IMMP2L: variants seen among roughly 807,000 people sequenced by gnomAD.
IMMP2L encodes the protein mitochondrial inner membrane protease subunit 2.
Under a neutral mutation model 19.3 loss-of-function variants are expected in IMMP2L, and 18 were observed. The observed-to-expected ratio is 0.93, with a 90% CI of 0.64 to 1.38. IMMP2L has a LOEUF of 1.38. Ranked by LOEUF, IMMP2L falls within the 40% of genes most tolerant of loss-of-function variation. The pLI is 0.00. For synonymous variants in IMMP2L, 76 were observed against 73.0 expected, an observed-to-expected ratio of 1.04 and a Z score of -0.21; for missense variants, 233 against 218.2, an observed-to-expected ratio of 1.07 and a Z score of -0.43.
At chr7:111,062,965 C>T (rs1794157029) in intron 3 of IMMP2L, among the ~76,000 whole-genome samples, 1 of 152,204 alleles carries the variant, frequency 6.6e-6, no homozygotes, top group Non-Finnish European at 1.5e-5. Flanking sequence ...GTCAGTAGTG[C>T]TACCATTCTG....
At chr7:110,859,786 G>GT (rs1807202678) in intron 5 of IMMP2L, among the ~76,000 whole-genome samples, 1 of 151,672 alleles carries the variant, frequency 6.6e-6, no homozygotes. Flanking sequence ...GGAGTATACA[G>GT]TTGTGCAAAT....
intron 3 of IMMP2L, among the ~76,000 whole-genome samples, chr7:111,237,882 C>A (rs1217450298): frequency 6.6e-6 from 1 of 152,006 alleles, no homozygotes; most frequent in Non-Finnish European, 1.5e-5. Context: ...CTAAGCTTTA[C>A]TTTCCTGATC....
chr7:111,234,321 T>C (rs1429573411), intron 3 of IMMP2L, among the ~76,000 whole-genome samples: 2 of 152,106 alleles, frequency 1.3e-5, no homozygotes, highest in South Asian at 4.1e-4. Flanking sequence ...ACCAGATTCA[T>C]AGGGTTGTTC....
At chr7:111,224,932 C>A (rs1382124611) in intron 3 of IMMP2L, among the ~76,000 whole-genome samples, 2 of 152,008 alleles carry the variant, frequency 1.3e-5, no homozygotes, top group Non-Finnish European at 2.9e-5. Context: ...TCCATTATAT[C>A]TCAAATTAAA....
chr7:110,739,865 C>T (rs1385071293), intron 5 of IMMP2L, among the ~76,000 whole-genome samples: 2 of 152,114 alleles, frequency 1.3e-5, no homozygotes, highest in Admixed American at 1.3e-4. Context: ...CAAGTACTCT[C>T]TGAGACCACA....
rs537331140 is a variant in IMMP2L, at chr7:111,524,993, G to C, written c.-2-3544C>G. ...CACAAGCACTGTGTTAGGTACCAGG[G>C]AATCATAAAACAGTGAACAAGGCCA... On this transcript the variant is annotated intron_variant, in intron 1 of 5. Transcript: ENST00000405709. 5.3e-5 allele frequency among the ~76,000 whole-genome samples: 8 copies of C among 152,182 alleles called. No individual in the cohort carries two copies. The East Asian group carries it at 1.5e-3, about 29-fold the overall frequency.
intron 3 of IMMP2L, among the ~76,000 whole-genome samples, chr7:111,391,121 T>C (rs1832312808): frequency 6.6e-6 from 1 of 152,152 alleles, no homozygotes; most frequent in Non-Finnish European, 1.5e-5. Context: ...ATTATAAACA[T>C]GGCTTATTGC....
intron 3 of IMMP2L, among the ~76,000 whole-genome samples, chr7:111,122,144 G>C (rs1364748635): frequency 2.6e-5 from 4 of 151,718 alleles, no homozygotes; most frequent in Non-Finnish European, 5.9e-5. Context: ...AATGGGTGCA[G>C]CACACCAACA....
intron 4 of IMMP2L, among the ~76,000 whole-genome samples, chr7:110,963,296 A>T (rs576056229): frequency 6.6e-6 from 1 of 152,122 alleles, no homozygotes; most frequent in Non-Finnish European, 1.5e-5. Flanking sequence ...CTTCACAATT[A>T]AAGAATAACA....
At chr7:111,090,507 T>C (rs1796746818) in intron 3 of IMMP2L, among the ~76,000 whole-genome samples, 1 of 152,030 alleles carries the variant, frequency 6.6e-6, no homozygotes, top group Non-Finnish European at 1.5e-5. Flanking sequence ...AATACATATT[T>C]TTAAAAAGTA....
intron 5 of IMMP2L, among the ~76,000 whole-genome samples, chr7:110,666,063 C>A (rs73433288): frequency 0.14 from 20,764 of 152,098 alleles, 1,593 homozygotes; most frequent in South Asian, 0.27. Context: ...AAGTCAAAAT[C>A]TGTGACTACT....
At chr7:110,940,061 G>A (rs1816567021) in intron 4 of IMMP2L, among the ~76,000 whole-genome samples, 1 of 152,084 alleles carries the variant, frequency 6.6e-6, no homozygotes, top group Admixed American at 6.6e-5. Context: ...GCTCATTCCT[G>A]TAATCCCAGC....
chr7:110,674,240 T>A (rs1309958191), intron 5 of IMMP2L, among the ~76,000 whole-genome samples: 2 of 152,122 alleles, frequency 1.3e-5, no homozygotes, highest in Non-Finnish European at 2.9e-5. Flanking sequence ...CCAGATCCCA[T>A]GAGAACTCAG....
At chr7:111,554,962 T>A (rs1017868405) in intron 1 of IMMP2L, among the ~76,000 whole-genome samples, 4 of 152,106 alleles carry the variant, frequency 2.6e-5, no homozygotes, top group Non-Finnish European at 5.9e-5. Flanking sequence ...TTGCAAATTT[T>A]TTTTGTGAAA....
chr7:111,172,157 G>C (rs1806516125), intron 3 of IMMP2L, among the ~76,000 whole-genome samples: 1 of 151,386 alleles, frequency 6.6e-6, no homozygotes, highest in Non-Finnish European at 1.5e-5. Context: ...AAACCTGTTT[G>C]CTAAATGGTA....
intron 3 of IMMP2L, among the ~76,000 whole-genome samples, chr7:111,264,760 C>G (rs899975950): frequency 6.6e-6 from 1 of 151,262 alleles, no homozygotes; most frequent in African/African-American, 2.4e-5. Flanking sequence ...TTTCCAGACT[C>G]TGTTGAAGAA....
intron 3 of IMMP2L, among the ~76,000 whole-genome samples, chr7:111,121,027 C>T (rs1424416668): frequency 2.7e-5 from 4 of 150,480 alleles, no homozygotes; most frequent in Non-Finnish European, 4.4e-5. Context: ...GAAAATATAA[C>T]AAATAAAATT....
chr7:110,672,274 A>T (rs1791973394), intron 5 of IMMP2L, among the ~76,000 whole-genome samples: 1 of 152,084 alleles, frequency 6.6e-6, no homozygotes, highest in African/African-American at 2.4e-5. Context: ...AGATCTCATG[A>T]GACTCACGCA....
intron 5 of IMMP2L, among the ~76,000 whole-genome samples, chr7:110,774,764 T>C (rs1799266400): frequency 6.6e-6 from 1 of 152,016 alleles, no homozygotes; most frequent in Admixed American, 6.6e-5. Flanking sequence ...GTATAGTAGG[T>C]ATACCATCTA....
Sources: gnomAD v4.1 joint callset for allele counts (sites outside exome capture counted in the v4.1 genomes callset) on GRCh38, gnomAD v4.1.1 for gene constraint, MANE v1.5 for transcripts, NCBI Gene and HGNC (gene_info 2026-07-23, HGNC 2026-07-21) for gene names.